Variants in SMYD3 observed in about 807,000 individuals in gnomAD.
SMYD3 encodes SET and MYND domain containing 3, also known as histone-lysine N-methyltransferase SMYD3.
Under a neutral mutation model 57.7 loss-of-function variants are expected in SMYD3, and 36 were observed. The observed-to-expected ratio is 0.62, with a 90% CI of 0.48 to 0.82. SMYD3 has a LOEUF of 0.82. Among genes scored for constraint, SMYD3 ranks in the 40% least tolerant of loss-of-function variants. SMYD3 has a pLI of 0.00. For synonymous variants in SMYD3, 211 were observed against 195.0 expected (o/e 1.08, Z -0.68); for missense variants, 515 against 538.8 (o/e 0.96, Z 0.44).
At chr1:246,129,661 G>A (rs2061559345) in intron 5 of SMYD3, among the ~76,000 whole-genome samples, 1 of 152,166 alleles carries the variant, frequency 6.6e-6, no homozygotes, top group South Asian at 2.1e-4. Context: ...TACACATAAG[G>A]AAAGTAAAAA....
chr1:245,823,857 G>C (rs2049315967), intron 10 of SMYD3, among the ~76,000 whole-genome samples: 1 of 152,180 alleles, frequency 6.6e-6, no homozygotes, highest in Non-Finnish European at 1.5e-5. Flanking sequence ...CTCTGGCAGG[G>C]TATCAGGTAC....
intron 5 of SMYD3, among the ~76,000 whole-genome samples, chr1:246,078,892 A>G (rs2060590665): frequency 6.6e-6 from 1 of 152,210 alleles, no homozygotes; most frequent in African/African-American, 2.4e-5. Flanking sequence ...AGTATCTACC[A>G]TGGTTCCAGG....
intron 5 of SMYD3, among the ~76,000 whole-genome samples, chr1:246,143,063 C>T (rs1249648329): frequency 6.6e-6 from 1 of 151,780 alleles, no homozygotes. Flanking sequence ...TGTGAATTAA[C>T]AGGCAAAAAA....
chr1:245,883,865 C>T (rs1225392095), intron 8 of SMYD3, among the ~76,000 whole-genome samples: 2 of 152,028 alleles, frequency 1.3e-5, no homozygotes, highest in African/African-American at 4.8e-5. Context: ...TCGTGGGAAG[C>T]AACAGATAAA....
chr1:245,875,047 T>C (rs1033848311), intron 8 of SMYD3, among the ~76,000 whole-genome samples: 2 of 152,228 alleles, frequency 1.3e-5, no homozygotes, highest in African/African-American at 4.8e-5. Flanking sequence ...GGAAGTGAAG[T>C]GCTGGCTGAC....
intron 1 of SMYD3, among the ~76,000 whole-genome samples, chr1:246,403,795 A>C (rs543147372): frequency 6.6e-6 from 1 of 152,242 alleles, no homozygotes. Flanking sequence ...TTTAAATTTC[A>C]TAAGACTATA....
At chr1:246,481,615 CAT>C (rs1342398430) in intron 1 of SMYD3, among the ~76,000 whole-genome samples, 1 of 38,730 alleles carries the variant, frequency 2.6e-5, no homozygotes, top group African/African-American at 1.0e-4. Context: ...TATACACATA[CAT>C]ATATACATAC....
intron 5 of SMYD3, among the ~76,000 whole-genome samples, chr1:246,122,400 CAAAG>C (rs1328896733): frequency 6.6e-6 from 1 of 152,132 alleles, no homozygotes; most frequent in Non-Finnish European, 1.5e-5. Context: ...GCCTAAGCAA[CAAAG>C]AGAGTGCTGT....
intron 1 of SMYD3, among the ~76,000 whole-genome samples, chr1:246,482,769 T>G (rs2068128538): frequency 6.6e-6 from 1 of 152,148 alleles, no homozygotes; most frequent in African/African-American, 2.4e-5. Flanking sequence ...AAACACAAAG[T>G]GCTCCAGTTT....
intron 5 of SMYD3, chr1:246,111,647 C>G (rs1020217725): frequency 6.6e-6 from 1 of 152,242 alleles, no homozygotes; most frequent in African/African-American, 2.4e-5. Context: ...TGGGCTCCTA[C>G]AAGGGCATGC....
At chr1:246,023,747 G>GCTATGTAT (rs1439091873) in intron 5 of SMYD3, among the ~76,000 whole-genome samples, 1 of 151,048 alleles carries the variant, frequency 6.6e-6, no homozygotes, top group East Asian at 2.0e-4. Context: ...CCAATTTCCA[G>GCTATGTAT]CTATGTATCT....
At chr1:246,124,937 TG>T (rs1217324879) in intron 5 of SMYD3, among the ~76,000 whole-genome samples, 1 of 151,874 alleles carries the variant, frequency 6.6e-6, no homozygotes, top group African/African-American at 2.4e-5. Context: ...CCGGGCGTGG[TG>T]GCGGGCGCCT....
At chr1:246,100,267 A>T (rs891058579) in intron 5 of SMYD3, among the ~76,000 whole-genome samples, 4 of 152,242 alleles carry the variant, frequency 2.6e-5, no homozygotes, top group Non-Finnish European at 4.4e-5. Flanking sequence ...CTCTCTAAAT[A>T]GACTGCAGAA....
intron 5 of SMYD3, among the ~76,000 whole-genome samples, chr1:246,007,397 G>C (rs1231861655): frequency 6.6e-6 from 1 of 152,162 alleles, no homozygotes; most frequent in Non-Finnish European, 1.5e-5. Context: ...TCTACTTGCA[G>C]AGACAACTCT....
chr1:245,848,053 C>G (rs1344937378), intron 10 of SMYD3, among the ~76,000 whole-genome samples: 1 of 151,798 alleles, frequency 6.6e-6, no homozygotes, highest in African/African-American at 2.4e-5. Context: ...TCTTATTCCA[C>G]AAGGAAGTTG....
chr1:245,795,524 TC>T (rs1436968277), intron 10 of SMYD3, among the ~76,000 whole-genome samples: 1 of 152,186 alleles, frequency 6.6e-6, no homozygotes, highest in African/African-American at 2.4e-5. Flanking sequence ...TCTTTGCATT[TC>T]TCTTCTTTTT....
rs969289011 is a variant in SMYD3, at chr1:246,475,514, C to T, written c.164+31540G>A. 8.6e-5 allele frequency among the ~76,000 whole-genome samples: 13 copies of T among 151,692 alleles called. No individual in the cohort carries two copies. The East Asian group carries it at 9.9e-4, about 12-fold the overall frequency. On this transcript the variant is annotated intron_variant, in intron 1 of 11. Transcript: ENST00000490107. ...AAAAAAAAATAGCCGGGCATGATGG[C>T]GCGTGCCTGTAGTCCCAGCTACTCG...
intron 8 of SMYD3, among the ~76,000 whole-genome samples, chr1:245,880,033 C>T (rs1219146024): frequency 6.6e-6 from 1 of 151,340 alleles, no homozygotes; most frequent in Non-Finnish European, 1.5e-5. Context: ...CCAGAGATAG[C>T]ACAGGTGCGT....
chr1:245,779,034 C>T (rs2046724042), intron 10 of SMYD3, among the ~76,000 whole-genome samples: 1 of 151,886 alleles, frequency 6.6e-6, no homozygotes, highest in South Asian at 2.1e-4. Context: ...GTGGCATGCG[C>T]TTGTAGTCCC....
Sources: allele counts gnomAD v4.1 joint callset (sites outside exome capture counted in the v4.1 genomes callset), GRCh38; gene constraint gnomAD v4.1.1; transcripts MANE v1.5; gene names NCBI Gene and HGNC (gene_info 2026-07-23, HGNC 2026-07-21).